The following CNTN4 variants were observed in gnomAD, a reference collection of about 807,000 sequenced individuals.
CNTN4 encodes contactin-4.
CNTN4 carries 77 observed loss-of-function variants against 122.5 expected under a neutral mutation model. That is an observed-to-expected ratio of 0.63 (90% confidence interval 0.52 to 0.76). The LOEUF (loss-of-function observed/expected upper bound fraction) is 0.76, where lower values mean the gene tolerates loss of function less well. CNTN4 is among the 30% of genes least tolerant of loss of function. The pLI is 0.00. For synonymous variants in CNTN4, 512 were observed against 447.0 expected, an observed-to-expected ratio of 1.15 and a Z score of -1.83; for missense variants, 1,256 against 1,259.1, an observed-to-expected ratio of 1.00 and a Z score of 0.04.
intron 4 of CNTN4, among the ~76,000 whole-genome samples, chr3:2,600,269 T>C (rs1321085513): frequency 1.3e-5 from 2 of 151,802 alleles, no homozygotes; most frequent in Non-Finnish European, 2.9e-5. Flanking sequence ...TTTGTTACAT[T>C]TGTATACACA....
intron 14 of CNTN4, among the ~76,000 whole-genome samples, chr3:2,994,124 C>G (rs1365914924): frequency 6.6e-6 from 1 of 152,078 alleles, no homozygotes; most frequent in Admixed American, 6.6e-5. Flanking sequence ...TTTTAAAACA[C>G]TTCTCTCTTC....
At chr3:2,931,417 TA>T (rs2094519317) in intron 13 of CNTN4, among the ~76,000 whole-genome samples, 1 of 152,054 alleles carries the variant, frequency 6.6e-6, no homozygotes, top group Non-Finnish European at 1.5e-5. Context: ...AGGGGGCAAA[TA>T]AAGAGGTTAC....
intron 13 of CNTN4, among the ~76,000 whole-genome samples, chr3:2,940,189 T>C (rs971342167): frequency 1.3e-5 from 2 of 151,832 alleles, no homozygotes; most frequent in African/African-American, 4.8e-5. Flanking sequence ...TTATGCAGAG[T>C]GTGCATGAAA....
At chr3:2,188,937 C>G (rs1324953129) in intron 2 of CNTN4, among the ~76,000 whole-genome samples, 1 of 152,130 alleles carries the variant, frequency 6.6e-6, no homozygotes, top group Non-Finnish European at 1.5e-5. Flanking sequence ...AATCATGCCC[C>G]AAGTTCTTGA....
chr3:2,559,220 G>T (rs1249706113), intron 3 of CNTN4, among the ~76,000 whole-genome samples: 2 of 152,188 alleles, frequency 1.3e-5, no homozygotes, highest in African/African-American at 4.8e-5. Flanking sequence ...TCCATGTGCT[G>T]TAATTCTGTC....
intron 7 of CNTN4, among the ~76,000 whole-genome samples, chr3:2,828,852 C>G (rs780400689): frequency 6.6e-5 from 10 of 152,156 alleles, no homozygotes; most frequent in Non-Finnish European, 1.3e-4. Flanking sequence ...ATCCTCCCAC[C>G]TCAGCCTCTT....
chr3:2,625,949 G>T (rs1024668192), intron 4 of CNTN4, among the ~76,000 whole-genome samples: 3 of 152,030 alleles, frequency 2.0e-5, no homozygotes, highest in African/African-American at 7.2e-5. Context: ...TTCACATTCT[G>T]GACAACACTT....
intron 3 of CNTN4, among the ~76,000 whole-genome samples, chr3:2,378,190 C>G (rs1050529832): frequency 1.3e-5 from 2 of 152,178 alleles, no homozygotes; most frequent in South Asian, 2.1e-4. Flanking sequence ...ATTTATTTCT[C>G]AAGTTCATAA....
chr3:2,470,683 T>G (rs1416015636), intron 3 of CNTN4, among the ~76,000 whole-genome samples: 1 of 152,212 alleles, frequency 6.6e-6, no homozygotes, highest in Non-Finnish European at 1.5e-5. Flanking sequence ...TCTAATAGTC[T>G]CTAACCCATA....
At chr3:2,871,030 C>T (rs2093778249) in intron 8 of CNTN4, among the ~76,000 whole-genome samples, 2 of 152,124 alleles carry the variant, frequency 1.3e-5, no homozygotes, top group African/African-American at 2.4e-5. Context: ...CTTCACATGG[C>T]TCACTCCTTC....
At chr3:2,449,812 A>AGG (rs146852389) in intron 3 of CNTN4, among the ~76,000 whole-genome samples, 7,483 of 152,200 alleles carry the variant, frequency 0.049, 274 homozygotes, top group African/African-American at 0.1. Flanking sequence ...ATGAACTTGG[A>AGG]GGACATTATG....
intron 6 of CNTN4, among the ~76,000 whole-genome samples, chr3:2,792,902 T>A (rs563515033): frequency 1.2e-4 from 19 of 152,212 alleles, no homozygotes; most frequent in Non-Finnish European, 2.5e-4. Flanking sequence ...TATGGAAACA[T>A]TCCTCTGATG....
intron 2 of CNTN4, among the ~76,000 whole-genome samples, chr3:2,169,791 G>T (rs2036387879): frequency 1.3e-5 from 2 of 152,150 alleles, no homozygotes; most frequent in Non-Finnish European, 2.9e-5. Context: ...TTAAGTTAAA[G>T]AACAAATACT....
chr3:2,842,939 C>A lies in CNTN4; in HGVS notation c.454+23358C>A, dbSNP rs181500575. Reference sequence around the variant, plus strand: ...AGTGTCCTCAGGCTCAAGACCCAGGCCTTTATCTCTCTGTATACTTGCTCT... The same window carrying A: ...AGTGTCCTCAGGCTCAAGACCCAGGACTTTATCTCTCTGTATACTTGCTCT... On this transcript the variant is annotated intron_variant, in intron 7 of 24. Coordinates refer to ENST00000418658, the MANE Select transcript of CNTN4 (RefSeq NM_175607.3). Among the ~76,000 whole-genome samples, 277 of 152,166 alleles carry A rather than the reference C, an allele frequency of 1.8e-3. 2 individuals are homozygous for A. Among genetic ancestry groups the A allele is most frequent in the South Asian group, 0.012 (59 of 4,818 alleles).
intron 4 of CNTN4, among the ~76,000 whole-genome samples, chr3:2,721,467 A>G (rs909662369): frequency 6.6e-6 from 1 of 152,104 alleles, no homozygotes; most frequent in Admixed American, 6.5e-5. Context: ...ATGAACATGG[A>G]AGTATTAAGC....
intron 2 of CNTN4, among the ~76,000 whole-genome samples, chr3:2,315,064 A>G (rs958361875): frequency 4.6e-5 from 7 of 152,116 alleles, no homozygotes; most frequent in Non-Finnish European, 1.0e-4. Context: ...TGAAATGTAC[A>G]TCAAAAAGAA....
At chr3:2,688,512 TTGATGGTGG>T (rs2085556931) in intron 4 of CNTN4, among the ~76,000 whole-genome samples, 1 of 152,202 alleles carries the variant, frequency 6.6e-6, no homozygotes, top group African/African-American at 2.4e-5. Flanking sequence ...ACACAGCTCC[TTGATGGTGG>T]TAGAAGGACA....
At chr3:2,342,465 A>G (rs532843203) in intron 3 of CNTN4, among the ~76,000 whole-genome samples, 1 of 152,318 alleles carries the variant, frequency 6.6e-6, no homozygotes, top group Non-Finnish European at 1.5e-5. Context: ...GTCATATATT[A>G]TATGATTCCA....
intron 12 of CNTN4, among the ~76,000 whole-genome samples, chr3:2,915,255 G>A (rs982126905): frequency 1.4e-4 from 22 of 152,042 alleles, no homozygotes; most frequent in African/African-American, 4.6e-4. Flanking sequence ...TAGTAGAGAC[G>A]GGGATTCACC....
Sources: allele counts gnomAD v4.1 joint callset (sites outside exome capture counted in the v4.1 genomes callset), GRCh38; gene constraint gnomAD v4.1.1; transcripts MANE v1.5; gene names NCBI Gene and HGNC (gene_info 2026-07-23, HGNC 2026-07-21).